PRKCA: variants seen among roughly 807,000 people sequenced by gnomAD.
PRKCA encodes protein kinase C alpha, also known as protein kinase C alpha type.
PRKCA carries 27 observed loss-of-function variants against 87.0 expected under a neutral mutation model. The ratio of observed to expected loss-of-function variants is 0.31; its 90% CI spans 0.23 to 0.43. The LOEUF (loss-of-function observed/expected upper bound fraction) is 0.43. PRKCA is among the 20% of genes least tolerant of loss of function. PRKCA has a pLI of 1.00. For synonymous variants in PRKCA, 329 were observed against 311.1 expected, an observed-to-expected ratio of 1.06 and a Z score of -0.61; for missense variants, 518 against 852.3, an observed-to-expected ratio of 0.61 and a Z score of 4.88.
rs1976041836 is a variant in PRKCA at position 66,806,809 on chromosome 17, CAG to C, written c.*2773_*2774del. The C allele has an allele frequency of 6.6e-6, 1 of 152,278 alleles. No homozygotes were observed. Among genetic ancestry groups the C allele is most frequent in the Admixed American group, 6.5e-5 (1 of 15,290 alleles). 9.4% of individuals were successfully genotyped at this position (152,278 alleles called of 1,614,324 possible). On this transcript the variant is annotated 3_prime_UTR_variant, in exon 17 of 17. Transcript: ENST00000413366. ...AAAGTTTTCCAAGAAAATGCCCCGA[CAG>C]GGGTGCCCAGCACACTGCCTGAGGG... is the stretch of plus-strand genomic sequence containing the variant.
At chr17:66,595,099 T>C (rs1969931980) in intron 3 of PRKCA, among the ~76,000 whole-genome samples, 1 of 152,196 alleles carries the variant, frequency 6.6e-6, no homozygotes, top group East Asian at 1.9e-4. Flanking sequence ...TGACGATGCA[T>C]TATTCTAATG....
chr17:66,326,954 G>A (rs1906012841), intron 2 of PRKCA, among the ~76,000 whole-genome samples: 1 of 152,148 alleles, frequency 6.6e-6, no homozygotes, highest in Admixed American at 6.6e-5. Flanking sequence ...TATAGTTCCA[G>A]CTACTCAGGA....
intron 1 of PRKCA, among the ~76,000 whole-genome samples, chr17:66,305,143 C>T (rs1245522840): frequency 1.3e-5 from 2 of 151,528 alleles, no homozygotes; most frequent in African/African-American, 4.8e-5. Flanking sequence ...TCCCAGGAAA[C>T]CATCCACGGG....
chr17:66,754,929 C>T (rs1320563505), intron 13 of PRKCA, among the ~76,000 whole-genome samples: 3 of 152,078 alleles, frequency 2.0e-5, no homozygotes, highest in African/African-American at 7.2e-5. Flanking sequence ...TCCCTCAAGG[C>T]CTTACCTCTA....
At chr17:66,396,002 A>G (rs1910643009) in intron 2 of PRKCA, among the ~76,000 whole-genome samples, 1 of 151,908 alleles carries the variant, frequency 6.6e-6, no homozygotes, top group Non-Finnish European at 1.5e-5. Flanking sequence ...TAGGGAAAAT[A>G]ATTGGCACAG....
At chr17:66,786,040 G>A (rs947560058) in intron 14 of PRKCA, among the ~76,000 whole-genome samples, 5 of 152,208 alleles carry the variant, frequency 3.3e-5, no homozygotes, top group Non-Finnish European at 7.3e-5. Flanking sequence ...ATGTTAGCCA[G>A]GATGGTCTCG....
chr17:66,646,307 T>G (rs972356233), intron 5 of PRKCA, among the ~76,000 whole-genome samples: 3 of 152,194 alleles, frequency 2.0e-5, no homozygotes, highest in African/African-American at 7.2e-5. Context: ...AAATCCACTT[T>G]CGGTTCATCG....
At chr17:66,396,788 C>T (rs550400696) in intron 2 of PRKCA, among the ~76,000 whole-genome samples, 1 of 151,684 alleles carries the variant, frequency 6.6e-6, no homozygotes, top group South Asian at 2.1e-4. Context: ...GCCACCATGC[C>T]TCGCCCTGTC....
chr17:66,412,957 C>T (rs1289321071), intron 2 of PRKCA, among the ~76,000 whole-genome samples: 1 of 152,098 alleles, frequency 6.6e-6, no homozygotes, highest in Non-Finnish European at 1.5e-5. Context: ...ACTTCAGATA[C>T]CAGATATGTG....
At chr17:66,702,363 G>A (rs1408933403) in intron 8 of PRKCA, among the ~76,000 whole-genome samples, 1 of 152,076 alleles carries the variant, frequency 6.6e-6, no homozygotes, top group African/African-American at 2.4e-5. Flanking sequence ...CTTATATGTG[G>A]AATCTTAAGA....
At chr17:66,405,765 T>C (rs971200440) in intron 2 of PRKCA, among the ~76,000 whole-genome samples, 2 of 152,212 alleles carry the variant, frequency 1.3e-5, no homozygotes, top group Non-Finnish European at 2.9e-5. Flanking sequence ...ATGGAGAAGA[T>C]GGAAGGTTCT....
chr17:66,475,592 G>A (rs925893270), intron 2 of PRKCA, among the ~76,000 whole-genome samples: 3 of 152,084 alleles, frequency 2.0e-5, no homozygotes, highest in Admixed American at 6.6e-5. Flanking sequence ...GTGTGAGTTC[G>A]GCATCGAGGT....
At chr17:66,512,877 C>T (rs971248905) in intron 3 of PRKCA, among the ~76,000 whole-genome samples, 1 of 151,920 alleles carries the variant, frequency 6.6e-6, no homozygotes, top group Non-Finnish European at 1.5e-5. Context: ...ATTTTTAGTA[C>T]AGACAGGGTT....
intron 2 of PRKCA, among the ~76,000 whole-genome samples, chr17:66,432,961 T>A (rs887023500): frequency 6.6e-5 from 10 of 152,164 alleles, no homozygotes; most frequent in Non-Finnish European, 1.5e-4. Flanking sequence ...AGAGGGCAGC[T>A]TGTGAAGCCA....
At chr17:66,667,418 G>A (rs1420929158) in intron 5 of PRKCA, among the ~76,000 whole-genome samples, 1 of 152,204 alleles carries the variant, frequency 6.6e-6, no homozygotes, top group Non-Finnish European at 1.5e-5. Flanking sequence ...TTACAATCAT[G>A]GTGGAATCTT....
At chr17:66,375,023 G>A (rs181739273) in intron 2 of PRKCA, among the ~76,000 whole-genome samples, 286 of 151,242 alleles carry the variant, frequency 1.9e-3, no homozygotes, top group Middle Eastern at 0.01. Flanking sequence ...ATGAGACACC[G>A]CACCCGGCCT....
Position 66,559,479 on chromosome 17 carries a change from CAAAA to C in PRKCA, c.288+63220_288+63223del, listed in dbSNP as rs34998780. 2.5e-4 allele frequency among the ~76,000 whole-genome samples: 9 copies of C among 36,682 alleles called. 1 individual carries two copies. Among genetic ancestry groups the C allele is most frequent in the Admixed American group, 4.0e-4 (1 of 2,478 alleles). 24.1% of individuals were successfully genotyped at this position (36,682 alleles called of 152,430 possible). A position where few individuals can be genotyped will look rare whatever the true frequency, so the allele number is the denominator to read the frequency against. On this transcript the variant is annotated intron_variant, in intron 3 of 16. Transcript: ENST00000413366. ...GCAACAGAGTGAGTCTCTGTCTCAC[CAAAA>C]AAAAAAAAAAAAAAAAAAAAAAAGC...
At chr17:66,650,386 G>A (rs56059310) in intron 5 of PRKCA, among the ~76,000 whole-genome samples, 7,778 of 151,524 alleles carry the variant, frequency 0.051, 677 homozygotes, top group African/African-American at 0.18. Flanking sequence ...ATAGGAGATT[G>A]TAATAGGTTT....
At chr17:66,769,830 A>C (rs1248200946) in intron 13 of PRKCA, among the ~76,000 whole-genome samples, 1 of 152,208 alleles carries the variant, frequency 6.6e-6, no homozygotes, top group African/African-American at 2.4e-5. Context: ...CTTTGATTCA[A>C]GTCTTTTTTA....
Sources: allele counts gnomAD v4.1 joint callset (sites outside exome capture counted in the v4.1 genomes callset), GRCh38; gene constraint gnomAD v4.1.1; transcripts MANE v1.5; gene names NCBI Gene and HGNC (gene_info 2026-07-23, HGNC 2026-07-21).